The following MCAM variants were observed in gnomAD, a reference collection of about 807,000 sequenced individuals.
MCAM encodes cell surface glycoprotein MUC18.
In MCAM, 55 loss-of-function variants were observed where a neutral mutation model predicts 79.1. The observed-to-expected ratio is 0.70, with a 90% CI of 0.56 to 0.87. The LOEUF (loss-of-function observed/expected upper bound fraction) is 0.87. MCAM is among the 40% of genes least tolerant of loss of function. The probability of loss-of-function intolerance (pLI) is 0.00; values close to 1 mark genes in which losing one functional copy is unlikely to be tolerated. For synonymous variants in MCAM, 330 were observed against 339.8 expected, an observed-to-expected ratio of 0.97 and a Z score of 0.32; for missense variants, 745 against 839.8, an observed-to-expected ratio of 0.89 and a Z score of 1.40.
At chr11:119,313,110 T>C (rs968603031) in intron 5 of MCAM, 161 bp from the exon 6 acceptor site, 4 of 1,536,510 alleles carry the variant, frequency 2.6e-6, no homozygotes, top group Non-Finnish European at 1.7e-6. Context: ...ACCCAGCACT[T>C]TTACTGCTCA....
Position 119,309,818 on chromosome 11 carries a change from G to T in MCAM, c.*68C>A. The T allele has an allele frequency of 1.4e-6, 2 of 1,476,050 alleles. No individual in the cohort carries two copies. Among genetic ancestry groups the T allele is most frequent in the Non-Finnish European group, 1.9e-6 (2 of 1,071,888 alleles). 91.4% of individuals were successfully genotyped at this position (1,476,050 alleles called of 1,614,324 possible). A position where few individuals can be genotyped will look rare whatever the true frequency, so the allele number is the denominator to read the frequency against. ...CTCTCTAGTCCCTTTGGAGGCTTTGGCTGAGAGAAGAGTGAGCAGGGAGCT... is the reference window on the plus strand; with the variant it reads ...CTCTCTAGTCCCTTTGGAGGCTTTGTCTGAGAGAAGAGTGAGCAGGGAGCT... On this transcript the variant is annotated 3_prime_UTR_variant, in exon 16 of 16. Transcript: ENST00000264036.
At position 119,312,775 on chromosome 11, in the gene MCAM, A is replaced by G; in HGVS notation, c.734T>C (p.Val245Ala). The G allele has an allele frequency of 2.5e-6, 4 of 1,614,020 alleles. No homozygotes were observed. Among genetic ancestry groups the G allele is most frequent in the Non-Finnish European group, 3.4e-6 (4 of 1,179,960 alleles). Residue 245 changes from valine (V) to alanine (A), a missense_variant, in exon 6 of 16, where the codon GTT becomes GCT. Transcript: ENST00000264036. The surrounding 1 kb of genome is among the most constrained non-coding windows in gnomAD (Gnocchi z 4.9). ...MKESREVTVP[V>A]FYPTEKVWLE... is the part of the protein sequence containing the mutation. ...AGAGTCAGGTTAGTACTCACAGAAA[A>G]CAGGGACGGTGACTTCCCTGGACTC...
chr11:119,314,704 G>A lies in MCAM; in HGVS notation c.446C>T (p.Pro149Leu). The A allele has an allele frequency of 6.2e-7, 1 of 1,614,014 alleles. No homozygotes were observed. Residue 149 changes from proline (P) to leucine (L), a missense_variant, in exon 4 of 16, where the codon CCT (proline) becomes CTT (leucine). Transcript: ENST00000264036. Reference sequence around the variant, plus strand: ...CTCCTCAGGCTCCTTACTGTTCACAGGGATGCCCAGGGGGTTGACCTGGAT... The same window carrying A: ...CTCCTCAGGCTCCTTACTGTTCACAAGGATGCCCAGGGGGTTGACCTGGAT... ...PNIQVNPLGI[P>L]VNSKEPEEVA...
rs1950196631 is a variant in MCAM at position 119,309,604 on chromosome 11, C to A, written c.*282G>T. The A allele has an allele frequency of 1.9e-6, 1 of 517,026 alleles. No individual in the cohort carries two copies. The highest frequency in any genetic ancestry group is 3.5e-6 in the Non-Finnish European group (1 of 289,192). The allele number at this position is 517,026 out of a possible 1,614,324, so 32.0% of individuals were successfully genotyped here. On this transcript the variant is annotated 3_prime_UTR_variant, in exon 16 of 16. Transcript: ENST00000264036. ...AATGTGTGTAAAGAAAAAACACGTT[C>A]TGCAAGAAACTCTCCTACCCGCTCG...
At chr11:119,313,559 G>A (rs1565281820) in intron 5 of MCAM, 1 of 313,410 alleles carries the variant, frequency 3.2e-6, no homozygotes, top group South Asian at 2.8e-5. Flanking sequence ...GCGCCACCAC[G>A]CCCGGCTACT....
At position 119,310,983 on chromosome 11, in the gene MCAM, G is replaced by A. The variant is rs181124650; in HGVS notation, c.1646-80C>T. On this transcript the variant is annotated intron_variant, in intron 13 of 15. Coordinates refer to ENST00000264036, the MANE Select transcript of MCAM (RefSeq NM_006500.3). ...TCGTTGGCCCAGCCAGTCCAGGGCC[G>A]ACAAGATGGGGCTGCTACTCACCTT... is the stretch of plus-strand genomic sequence containing the variant. The A allele has an allele frequency of 3.2e-4, 512 of 1,613,604 alleles. 4 individuals carry two copies. In the Middle Eastern group the frequency reaches 0.016, roughly 51 times the overall value.
chr11:119,313,833 C>A, intron 5 of MCAM: 1 of 510,938 alleles, frequency 2.0e-6, no homozygotes, highest in Non-Finnish European at 2.5e-6. Flanking sequence ...CCAAAAATAT[C>A]TCCAGACATT....
At position 119,315,721 on chromosome 11, in the gene MCAM, A is replaced by G; in HGVS notation, c.68-458T>C. The G allele has an allele frequency of 5.7e-6, 1 of 174,578 alleles. No individual in the cohort carries two copies. The highest frequency in any genetic ancestry group is 1.4e-4 in the South Asian group (1 of 7,370). 10.8% of individuals were successfully genotyped at this position (174,578 alleles called of 1,614,324 possible). On this transcript the variant is annotated intron_variant, in intron 1 of 15. Coordinates refer to ENST00000264036, the MANE Select transcript of MCAM (RefSeq NM_006500.3). The surrounding 1 kb of genome is among the most constrained non-coding windows in gnomAD (Gnocchi z 4.4). The stretch of plus-strand genomic sequence containing the variant: ...TCTGCCCTCCAAAATCCCTGCCCTC[A>G]CTCCCCAGCGGGCTAACTCTGGCGG...
At position 119,311,893 on chromosome 11, in the gene MCAM, C is replaced by G; in HGVS notation, c.1200G>C (p.Glu400Asp). The change falls in exon 10 of 16, where the codon GAG becomes GAC. Residue 400 changes from glutamate to aspartate, a missense_variant. Transcript: ENST00000264036. This position sits in a 1 kb window ranked among gnomAD's most constrained non-coding sequence, Gnocchi z 4.4. ...CCACGCAGCGATAGCCGCCTCCTGC[C>G]TCCCGTTTCAGGTCATGCAACTGAA... ...PVLQLHDLKR[E>D]AGGGYRCVAS... is the part of the protein sequence containing the mutation. The G allele has an allele frequency of 6.2e-7, 1 of 1,614,132 alleles. No individual in the cohort carries two copies. The highest frequency in any genetic ancestry group is 8.5e-7 in the Non-Finnish European group (1 of 1,180,030).
rs779065461 is a variant in MCAM, at chr11:119,308,665, CACAG to C, written c.*1217_*1220del. The C allele has an allele frequency of 4.6e-5, 7 of 152,004 alleles. No homozygotes were observed. The highest frequency in any genetic ancestry group is 2.1e-4 in the South Asian group (1 of 4,828). The allele number at this position is 152,004 out of a possible 1,614,324, so 9.4% of individuals were successfully genotyped here. ...ATATACACACATATGTATGCATACA[CACAG>C]ACAGACACACACACCCGAAGCTCTA... On this transcript the variant is annotated 3_prime_UTR_variant, in exon 16 of 16. Transcript: ENST00000264036.
At chr11:119,310,082 G>A (rs557423443) in intron 15 of MCAM, 167 bp from the exon 16 acceptor site, 32 of 665,840 alleles carry the variant, frequency 4.8e-5, no homozygotes, top group Middle Eastern at 4.1e-4. Context: ...GGCGGCCCCC[G>A]TCTGACTGCA....
At position 119,314,043 on chromosome 11, in the gene MCAM, C is replaced by T. The variant is rs950443947; in HGVS notation, c.559+446G>A. 11 of 981,388 alleles carry T rather than the reference C, an allele frequency of 1.1e-5. No individual in the cohort carries two copies. In the South Asian group the frequency reaches 2.8e-4, roughly 25 times the overall value. The allele number at this position is 981,388 out of a possible 1,614,324, so 60.8% of individuals were successfully genotyped here. On this transcript the variant is annotated intron_variant, in intron 5 of 15. Transcript: ENST00000264036. ...GGGGGTCTCAGGCAAGAAGAAACTT[C>T]TAGATTTTTTGTCAGTTTAAATTCT...
At position 119,311,187 on chromosome 11, in the gene MCAM, T is replaced by C. The variant is rs1261343879; in HGVS notation, c.1550-2A>G. ...CTGGTGTGAGGGTGGTTAAATTGAC[T>C]AGGAGGCAGAGGGAGGGGTGTTAGG... On this transcript the variant is annotated splice_acceptor_variant, in intron 12 of 15. Transcript: ENST00000264036. LOFTEE classifies it high-confidence loss of function. The surrounding 1 kb of genome is among the most constrained non-coding windows in gnomAD (Gnocchi z 4.4). 1.2e-6 allele frequency: 2 copies of C among 1,613,886 alleles called. No individual in the cohort carries two copies.
rs140972581 is a variant in MCAM, at chr11:119,311,386, C to T, written c.1443G>A (p.Leu481=). 2.5e-6 allele frequency: 4 copies of T among 1,614,054 alleles called. No individual in the cohort carries two copies. The highest frequency in any genetic ancestry group is 3.4e-6 in the Non-Finnish European group (4 of 1,180,042). Residue 481 remains leucine (L), a synonymous_variant, in exon 12 of 16, where the codon CTG becomes CTA. Coordinates refer to ENST00000264036, the MANE Select transcript of MCAM (RefSeq NM_006500.3). This position sits in a 1 kb window ranked among gnomAD's most constrained non-coding sequence, Gnocchi z 4.4. ...SEQDQDPQRV[L]STLNVLVTPE... is the part of the protein sequence containing the mutation. ...GGGTCACGAGGACATTCAGGGTGCTCAGGACTCGCTGTGGATCTTGGTCTT... is the reference window on the plus strand; with the variant it reads ...GGGTCACGAGGACATTCAGGGTGCTTAGGACTCGCTGTGGATCTTGGTCTT...
Position 119,308,633 on chromosome 11 carries a change from A to G in MCAM, c.*1253T>C, listed in dbSNP as rs1448231647. 3 of 151,928 alleles carry G rather than the reference A, an allele frequency of 2.0e-5. No individual in the cohort carries two copies. Among genetic ancestry groups the G allele is most frequent in the Non-Finnish European group, 4.4e-5 (3 of 67,996 alleles). 9.4% of individuals were successfully genotyped at this position (151,928 alleles called of 1,614,324 possible). ...AATTTGCAAATTTACACACCTGACA[A>G]AACCATATATACACACATATGTATG... On this transcript the variant is annotated 3_prime_UTR_variant, in exon 16 of 16. Coordinates refer to ENST00000264036, the MANE Select transcript of MCAM (RefSeq NM_006500.3).
Position 119,312,842 on chromosome 11 carries a change from A to G in MCAM, c.667T>C (p.Cys223Arg). Residue 223 changes from cysteine (C) to arginine (R), a missense_variant, in exon 6 of 16, where the codon TGT (cysteine) becomes CGT (arginine). Transcript: ENST00000264036. This position sits in a 1 kb window ranked among gnomAD's most constrained non-coding sequence, Gnocchi z 4.9. ...CTGGGCAGCCGGTAGTTGAGCTCAC[A>G]GTAAAACTGGGCATCTTTGTCTTCT... is the stretch of plus-strand genomic sequence containing the variant. ...VKEDKDAQFY[C>R]ELNYRLPSGN... The G allele has an allele frequency of 6.2e-7, 1 of 1,614,208 alleles. No homozygotes were observed. The highest frequency in any genetic ancestry group is 8.5e-7 in the Non-Finnish European group (1 of 1,180,028).
In MCAM at chr11:119,312,739, C is replaced by G; in HGVS notation, c.739+31G>C. ...GCAGGAGTTTCCAGCAGCCCCAGCC[C>G]CAGTAAGCAGAGAGTCAGGTTAGTA... On this transcript the variant is annotated intron_variant, in intron 6 of 15. Coordinates refer to ENST00000264036, the MANE Select transcript of MCAM (RefSeq NM_006500.3). This position sits in a 1 kb window ranked among gnomAD's most constrained non-coding sequence, Gnocchi z 4.9. 6.2e-7 allele frequency: 1 copy of G among 1,613,248 alleles called. No individual in the cohort carries two copies. Among genetic ancestry groups the G allele is most frequent in the Non-Finnish European group, 8.5e-7 (1 of 1,179,410 alleles).
chr11:119,315,376 G>A lies in MCAM; in HGVS notation c.68-113C>T, dbSNP rs892070199. ...CCTGCCACTCAGAGGGTCTGCAGAG[G>A]GCCCTGTCCTCTGAACGCTCTACCC... On this transcript the variant is annotated intron_variant, in intron 1 of 15. Coordinates refer to ENST00000264036, the MANE Select transcript of MCAM (RefSeq NM_006500.3). This position sits in a 1 kb window ranked among gnomAD's most constrained non-coding sequence, Gnocchi z 4.4. 7.3e-7 allele frequency: 1 copy of A among 1,369,536 alleles called. No homozygotes were observed. Among genetic ancestry groups the A allele is most frequent in the Non-Finnish European group, 9.8e-7 (1 of 1,016,192 alleles). 84.8% of individuals were successfully genotyped at this position (1,369,536 alleles called of 1,614,324 possible). A position where few individuals can be genotyped will look rare whatever the true frequency, so the allele number is the denominator to read the frequency against.
rs868524027 is a variant in MCAM at position 119,313,916 on chromosome 11, A to C, written c.559+573T>G. 6 of 938,376 alleles carry C rather than the reference A, an allele frequency of 6.4e-6. No individual in the cohort carries two copies. The African/African-American group carries it at 8.9e-5, about 14-fold the overall frequency. 58.1% of individuals were successfully genotyped at this position (938,376 alleles called of 1,614,324 possible). On this transcript the variant is annotated intron_variant, in intron 5 of 15. Transcript: ENST00000264036. The stretch of plus-strand genomic sequence containing the variant: ...GAATGACTGATTTAGATAATAAAAC[A>C]CAGAAGCCTATATCATTCTAGAAAT...
Sources: allele counts gnomAD v4.1 joint callset, GRCh38; gene constraint gnomAD v4.1.1; non-coding constraint Gnocchi (gnomAD v3.1); transcripts MANE v1.5; gene names NCBI Gene and HGNC (gene_info 2026-07-23, HGNC 2026-07-21).